VRK3: variants seen among roughly 807,000 people sequenced by gnomAD.
The protein encoded by VRK3 is VRK serine/threonine kinase 3.
Under a neutral mutation model 60.4 loss-of-function variants are expected in VRK3, and 50 were observed. The observed-to-expected ratio is 0.83, with a 90% CI of 0.66 to 1.05. The LOEUF is 1.05. VRK3 is among the 50% of genes least tolerant of loss of function. The probability of loss-of-function intolerance (pLI) is 0.00; values close to 1 mark genes in which losing one functional copy is unlikely to be tolerated. For synonymous variants in VRK3, 246 were observed against 227.8 expected (o/e 1.08, Z -0.72); for missense variants, 549 against 585.3 (o/e 0.94, Z 0.64).
At chr19:49,990,238 G>C (rs549761828) in intron 10 of VRK3, among the ~76,000 whole-genome samples, 106 of 152,234 alleles carry the variant, frequency 7.0e-4, no homozygotes, top group African/African-American at 2.4e-3. Context: ...AGCTATACCA[G>C]TTCTCTCTGC....
chr19:49,994,995 T>C (rs1382247691), intron 8 of VRK3, 76 bp from the exon 9 acceptor site: 18 of 1,422,514 alleles, frequency 1.3e-5, no homozygotes, highest in Middle Eastern at 1.8e-4. Context: ...GGATGGACTG[T>C]TGCGTGGGCT....
intron 5 of VRK3, chr19:50,001,110 C>T (rs1462307742): frequency 2.4e-5 from 10 of 413,998 alleles, no homozygotes; most frequent in Non-Finnish European, 3.9e-5. Flanking sequence ...AGGTCTGGGA[C>T]CCTGGATTCC....
chr19:50,022,399 C>T (rs1239489131), intron 1 of VRK3, among the ~76,000 whole-genome samples: 1 of 152,200 alleles, frequency 6.6e-6, no homozygotes, highest in Non-Finnish European at 1.5e-5. Context: ...AGACTTTCGG[C>T]TTCTACGCTT....
intron 11 of VRK3, among the ~76,000 whole-genome samples, 154 bp downstream of exon 11, chr19:49,989,485 C>T (rs1315045521): frequency 3.3e-5 from 5 of 152,214 alleles, no homozygotes; most frequent in East Asian, 1.9e-4. Flanking sequence ...ACCTCCCTTG[C>T]GGTCGGGACG....
rs147531870 is a variant in VRK3, at chr19:49,995,243, G to A, written c.712C>T (p.Leu238=). 5.0e-4 allele frequency: 809 copies of A among 1,614,242 alleles called. 2 individuals are homozygous for A. The highest frequency in any genetic ancestry group is 5.9e-4 in the Non-Finnish European group (697 of 1,180,038). ...NKWKKLYSTP[L]LAIPTCMGFG... Reference sequence around the variant, plus strand: ...CCCATGCAGGTAGGGATGGCCAGCAGTGGGGTCGAGTACAGCTTCTTCCAC... The same window carrying A: ...CCCATGCAGGTAGGGATGGCCAGCAATGGGGTCGAGTACAGCTTCTTCCAC... Residue 238 remains leucine, a synonymous_variant, in exon 8 of 15, where the codon CTG becomes TTG. Coordinates refer to ENST00000316763, the MANE Select transcript of VRK3 (RefSeq NM_016440.4).
chr19:49,979,645 A>G (rs2076389760), intron 13 of VRK3, among the ~76,000 whole-genome samples: 1 of 152,040 alleles, frequency 6.6e-6, no homozygotes, highest in Non-Finnish European at 1.5e-5. Flanking sequence ...TCCACCTCCA[A>G]CCTCTGGCTG....
At chr19:50,012,585 G>C (rs546640117) in intron 3 of VRK3, among the ~76,000 whole-genome samples, 4 of 152,254 alleles carry the variant, frequency 2.6e-5, no homozygotes, top group African/African-American at 9.6e-5. Flanking sequence ...TTAGCATTAG[G>C]AAAGGCAGGG....
intron 11 of VRK3, 77 bp from the exon 12 acceptor site, chr19:49,988,569 CCTCT>C (rs2076557961): frequency 6.5e-7 from 1 of 1,546,734 alleles, no homozygotes; most frequent in African/African-American, 1.4e-5. Flanking sequence ...CCTTCCTTCC[CCTCT>C]CTCTCACTGA....
chr19:50,001,666 TCAC>T (rs1309195177), intron 5 of VRK3, among the ~76,000 whole-genome samples: 1 of 151,866 alleles, frequency 6.6e-6, no homozygotes, highest in African/African-American at 2.4e-5. Flanking sequence ...TTTACAGACC[TCAC>T]CACGTCTCTG....
intron 7 of VRK3, chr19:49,997,204 C>G (rs2076721244): frequency 4.1e-6 from 1 of 244,570 alleles, no homozygotes; most frequent in Non-Finnish European, 7.9e-6. Flanking sequence ...AGGATGGTCT[C>G]AAACTCCTGG....
At chr19:50,023,003 G>C (rs2077195708) in intron 1 of VRK3, among the ~76,000 whole-genome samples, 1 of 151,958 alleles carries the variant, frequency 6.6e-6, no homozygotes, top group South Asian at 2.1e-4. Context: ...CAACAGCTTC[G>C]GTGCTTTTCC....
Position 49,979,143 on chromosome 19 carries a change from T to A in VRK3, c.1376A>T (p.Asp459Val). ...LRNNLEALLQDLRVSPYDPIG... is the reference protein window; with the variant it reads ...LRNNLEALLQVLRVSPYDPIG... Reference sequence around the variant, plus strand: ...GGGGTCATATGGAGACACACGCAGATCCTGCAGCAAAGCTTCTAGGTTGTT... The same window carrying A: ...GGGGTCATATGGAGACACACGCAGAACCTGCAGCAAAGCTTCTAGGTTGTT... The change falls in exon 14 of 15, where the codon GAT becomes GTT. Residue 459 changes from aspartate to valine, a missense_variant. Coordinates refer to ENST00000316763, the MANE Select transcript of VRK3 (RefSeq NM_016440.4). 3.7e-6 allele frequency: 6 copies of A among 1,613,980 alleles called. No homozygotes were observed. The highest frequency in any genetic ancestry group is 5.1e-6 in the Non-Finnish European group (6 of 1,179,940).
intron 9 of VRK3, 134 bp from the exon 10 acceptor site, chr19:49,993,086 T>A: frequency 1.4e-6 from 1 of 718,596 alleles, no homozygotes; most frequent in Non-Finnish European, 2.3e-6. Context: ...TAAACCTGAC[T>A]AAATCCGGGG....
intron 10 of VRK3, 103 bp from the exon 11 acceptor site, chr19:49,989,874 G>A (rs2304112): frequency 0.32 from 437,572 of 1,347,916 alleles, 78,391 homozygotes; most frequent in East Asian, 0.76. Context: ...ACCAAAGATG[G>A]CATTTTTCAC....
At chr19:50,008,052 G>T (rs76920955) in intron 4 of VRK3, among the ~76,000 whole-genome samples, 2 of 152,310 alleles carry the variant, frequency 1.3e-5, no homozygotes, top group East Asian at 3.9e-4. Flanking sequence ...GGGCAAGTCT[G>T]CTCTAGACAC....
intron 12 of VRK3, among the ~76,000 whole-genome samples, chr19:49,985,802 G>C (rs1223627449): frequency 6.6e-6 from 1 of 152,224 alleles, no homozygotes; most frequent in East Asian, 1.9e-4. Context: ...GCTGGGTCCA[G>C]GAACCACCAG....
chr19:49,994,463 G>A (rs774540328), intron 9 of VRK3, among the ~76,000 whole-genome samples: 12 of 152,138 alleles, frequency 7.9e-5, no homozygotes, highest in East Asian at 1.9e-4. Context: ...ATCCTTGGCC[G>A]GACCATCCTC....
chr19:50,015,362 G>A (rs971297692), intron 3 of VRK3, among the ~76,000 whole-genome samples: 5 of 151,896 alleles, frequency 3.3e-5, no homozygotes, highest in African/African-American at 1.2e-4. Context: ...AAGCTGCAGT[G>A]CAATGGTGCA....
At chr19:49,979,673 G>A (rs1293138124) in intron 13 of VRK3, among the ~76,000 whole-genome samples, 1 of 152,074 alleles carries the variant, frequency 6.6e-6, no homozygotes, top group Non-Finnish European at 1.5e-5. Context: ...TAAAATCCTC[G>A]AGGCCCAAGG....
Sources: allele counts gnomAD v4.1 joint callset (sites outside exome capture counted in the v4.1 genomes callset), GRCh38; gene constraint gnomAD v4.1.1; transcripts MANE v1.5; gene names NCBI Gene and HGNC (gene_info 2026-07-23, HGNC 2026-07-21).